Variants in GRIP1 observed in about 807,000 individuals in gnomAD.
The protein encoded by GRIP1 is glutamate receptor-interacting protein 1.
In GRIP1, 45 loss-of-function variants were observed where a neutral mutation model predicts 129.9. The observed-to-expected ratio is 0.35, with a 90% CI of 0.27 to 0.44. GRIP1 has a LOEUF of 0.44. Ranked by LOEUF, GRIP1 falls within the 20% of genes least tolerant of loss-of-function variation. The probability of loss-of-function intolerance (pLI) is 1.00; values close to 1 mark genes in which losing one functional copy is unlikely to be tolerated. For synonymous variants in GRIP1, 530 were observed against 520.8 expected (o/e 1.02, Z -0.24); for missense variants, 1,196 against 1,396.8 (o/e 0.86, Z 2.29).
rs1165155051 is a variant in GRIP1, at chr12:66,539,040, ATGTATCCCC to A, written c.418+29_418+37del. ...TTAGGCATCCACTGGGGGTCTTGGA[ATGTATCCCC>A]TATGGATAAGGGGGGCTACTGTACT... On this transcript the variant is annotated intron_variant, in intron 4 of 24. Coordinates refer to ENST00000359742, the MANE Select transcript of GRIP1 (RefSeq NM_001366722.1). 1.2e-5 allele frequency: 19 copies of A among 1,573,434 alleles called. No individual in the cohort carries two copies. In the East Asian group the frequency reaches 1.3e-4, roughly 11 times the overall value.
chr12:67,045,049 T>C (rs1408230045), intron 1 of GRIP1, among the ~76,000 whole-genome samples: 1 of 152,216 alleles, frequency 6.6e-6, no homozygotes, highest in African/African-American at 2.4e-5. Flanking sequence ...AAGATTTGAA[T>C]GGAAGTAGGT....
intron 1 of GRIP1, among the ~76,000 whole-genome samples, chr12:66,975,412 C>T (rs1011037447): frequency 6.6e-6 from 1 of 152,146 alleles, no homozygotes; most frequent in Non-Finnish European, 1.5e-5. Flanking sequence ...GCAGTATATG[C>T]AATTACAAAT....
At chr12:66,433,196 G>T (rs893165059) in intron 13 of GRIP1, among the ~76,000 whole-genome samples, 9 of 152,128 alleles carry the variant, frequency 5.9e-5, no homozygotes, top group African/African-American at 2.2e-4. Context: ...GGGTGGAGAG[G>T]TGCCTTAATT....
At chr12:66,858,840 A>T (rs574305427) in intron 1 of GRIP1, among the ~76,000 whole-genome samples, 1 of 152,020 alleles carries the variant, frequency 6.6e-6, no homozygotes, top group African/African-American at 2.4e-5. Context: ...AGTGGAGAAA[A>T]ATATCATCCT....
chr12:66,831,080 T>G (rs779129726), intron 1 of GRIP1, among the ~76,000 whole-genome samples: 5 of 152,022 alleles, frequency 3.3e-5, no homozygotes, highest in Non-Finnish European at 7.4e-5. Context: ...TCTCGAACTC[T>G]TGGGCTAAAG....
At chr12:66,999,797 A>G (rs889266310) in intron 1 of GRIP1, among the ~76,000 whole-genome samples, 21 of 152,196 alleles carry the variant, frequency 1.4e-4, no homozygotes, top group African/African-American at 5.1e-4. Context: ...CCATCTACTT[A>G]TACTTTTTGT....
At chr12:66,389,993 G>T (rs994192476) in intron 19 of GRIP1, among the ~76,000 whole-genome samples, 2 of 152,176 alleles carry the variant, frequency 1.3e-5, no homozygotes, top group African/African-American at 4.8e-5. Flanking sequence ...AGGAGAAGAG[G>T]CTTTAGTCTA....
At chr12:66,980,810 A>C (rs2042232411) in intron 1 of GRIP1, among the ~76,000 whole-genome samples, 1 of 152,186 alleles carries the variant, frequency 6.6e-6, no homozygotes, top group South Asian at 2.1e-4. Context: ...CTCTATTACA[A>C]ATCCACACTG....
intron 1 of GRIP1, among the ~76,000 whole-genome samples, chr12:66,685,874 T>A (rs1017219942): frequency 3.3e-5 from 5 of 152,214 alleles, no homozygotes; most frequent in African/African-American, 1.2e-4. Flanking sequence ...TGGCTTTTTT[T>A]AAAACTGAGG....
intron 1 of GRIP1, among the ~76,000 whole-genome samples, chr12:66,976,129 T>G (rs1309349130): frequency 1.3e-5 from 2 of 152,190 alleles, no homozygotes; most frequent in Non-Finnish European, 1.5e-5. Context: ...TATGTAGATT[T>G]TAAATTTTGA....
At position 66,585,461 on chromosome 12, in the gene GRIP1, C is replaced by T. The variant is rs983625632; in HGVS notation, c.136+11386G>A. ...CATTTTTTATGGCTGCATAGTATTCCATGGTGTATATGTGCTACATTTTCT... is the reference window on the plus strand; with the variant it reads ...CATTTTTTATGGCTGCATAGTATTCTATGGTGTATATGTGCTACATTTTCT... On this transcript the variant is annotated intron_variant, in intron 2 of 24. Transcript: ENST00000359742. Among the ~76,000 whole-genome samples, 13 of 135,720 alleles carry T rather than the reference C, an allele frequency of 9.6e-5. 1 individual carries two copies. Among genetic ancestry groups the T allele is most frequent in the South Asian group, 2.4e-4 (1 of 4,164 alleles). The allele number at this position is 135,720 out of a possible 152,430, so 89.0% of individuals were successfully genotyped here.
chr12:66,696,804 CAAAAAAAAAAAAAAAAA>C (rs35445606), intron 1 of GRIP1, among the ~76,000 whole-genome samples: 39,382 of 105,586 alleles, frequency 0.37, 5,701 homozygotes, highest in South Asian at 0.47. Context: ...GACTCTGTCT[CAAAAAAAAAAAAAAAAA>C]AAAAAAAAAA....
chr12:66,610,362 T>G (rs543554732), intron 1 of GRIP1, among the ~76,000 whole-genome samples: 7 of 152,166 alleles, frequency 4.6e-5, no homozygotes, highest in African/African-American at 1.7e-4. Context: ...AGTATACATA[T>G]AAACAGTAGA....
upstream of GRIP1, chr12:66,804,232 A>G (rs1409394825): frequency 2.3e-6 from 1 of 425,848 alleles, no homozygotes; most frequent in Non-Finnish European, 4.8e-6. Context: ...AGAGCACAGC[A>G]ACAGCCCAGC....
intron 1 of GRIP1, among the ~76,000 whole-genome samples, chr12:66,842,210 A>T (rs910339952): frequency 1.7e-4 from 26 of 152,246 alleles, no homozygotes; most frequent in African/African-American, 5.5e-4. Flanking sequence ...ACATTTTTGT[A>T]TTTCCTATTA....
intron 1 of GRIP1, among the ~76,000 whole-genome samples, chr12:67,031,538 A>T (rs2043022537): frequency 6.6e-6 from 1 of 152,084 alleles, no homozygotes; most frequent in Non-Finnish European, 1.5e-5. Flanking sequence ...TGACCTCCAG[A>T]TCCAAATCTC....
At chr12:66,841,218 A>C (rs887651113) in intron 1 of GRIP1, among the ~76,000 whole-genome samples, 2 of 152,012 alleles carry the variant, frequency 1.3e-5, no homozygotes, top group Non-Finnish European at 2.9e-5. Flanking sequence ...CATAATGTAG[A>C]CCCTTCCCAT....
intron 1 of GRIP1, among the ~76,000 whole-genome samples, chr12:66,704,482 T>G (rs1450363212): frequency 1.3e-5 from 2 of 151,598 alleles, no homozygotes; most frequent in Non-Finnish European, 2.9e-5. Flanking sequence ...GAAGAAACAG[T>G]GGGGGTAAAG....
chr12:66,937,704 A>T (rs2041509689), intron 1 of GRIP1, among the ~76,000 whole-genome samples: 1 of 152,174 alleles, frequency 6.6e-6, no homozygotes, highest in Non-Finnish European at 1.5e-5. Flanking sequence ...GGTAAAGTGG[A>T]GATGTGATAA....
Sources: gnomAD v4.1 joint callset for allele counts (sites outside exome capture counted in the v4.1 genomes callset) on GRCh38, gnomAD v4.1.1 for gene constraint, MANE v1.5 for transcripts, NCBI Gene and HGNC (gene_info 2026-07-23, HGNC 2026-07-21) for gene names.